CREB5: variants seen among roughly 807,000 people sequenced by gnomAD.
The protein encoded by CREB5 is cAMP responsive element binding protein 5.
Under a neutral mutation model 57.1 loss-of-function variants are expected in CREB5, and 19 were observed. That is an observed-to-expected ratio of 0.33 (90% CI 0.23 to 0.49). The LOEUF (loss-of-function observed/expected upper bound fraction) is 0.49, where lower values mean the gene tolerates loss of function less well. Ranked by LOEUF, CREB5 falls within the 20% of genes least tolerant of loss-of-function variation. The probability of loss-of-function intolerance (pLI) is 0.99; values close to 1 mark genes in which losing one functional copy is unlikely to be tolerated. For synonymous variants in CREB5, 238 were observed against 238.3 expected (o/e 1.00, Z 0.01); for missense variants, 579 against 671.6 (o/e 0.86, Z 1.52).
chr7:28,626,070 G>A (rs41292), intron 5 of CREB5, among the ~76,000 whole-genome samples: 3,211 of 152,128 alleles, frequency 0.021, 106 homozygotes, highest in African/African-American at 0.073. Flanking sequence ...TCATTTATGA[G>A]GTCATTCTAT....
chr7:28,444,940 C>T (rs1237299674), intron 1 of CREB5, among the ~76,000 whole-genome samples: 1 of 152,142 alleles, frequency 6.6e-6, no homozygotes, highest in East Asian at 1.9e-4. Context: ...TATTGTTTGG[C>T]TGTGTCCCCA....
intron 5 of CREB5, among the ~76,000 whole-genome samples, chr7:28,633,715 A>G (rs943750939): frequency 6.6e-6 from 1 of 152,168 alleles, no homozygotes; most frequent in African/African-American, 2.4e-5. Flanking sequence ...GGTTCATGGT[A>G]GAGTTGAGAA....
chr7:28,367,904 T>C, intron 1 of CREB5, among the ~76,000 whole-genome samples: 1 of 152,172 alleles, frequency 6.6e-6, no homozygotes, highest in East Asian at 1.9e-4. Context: ...TCACCTTCCC[T>C]GCTCCCTCCC....
chr7:28,553,654 C>A (rs1432510020), intron 4 of CREB5, among the ~76,000 whole-genome samples: 1 of 152,178 alleles, frequency 6.6e-6, no homozygotes, highest in Non-Finnish European at 1.5e-5. Context: ...TCAGTGTGCA[C>A]AGAGGAAATG....
intron 7 of CREB5, among the ~76,000 whole-genome samples, chr7:28,763,810 A>ATTTT (rs111457525): frequency 2.1e-3 from 308 of 149,126 alleles, no homozygotes; most frequent in East Asian, 3.9e-3. Context: ...TATTATTATT[A>ATTTT]TTTTTTTTTG....
At chr7:28,484,299 A>G (rs1039663233) in intron 1 of CREB5, among the ~76,000 whole-genome samples, 5 of 152,210 alleles carry the variant, frequency 3.3e-5, no homozygotes, top group African/African-American at 1.2e-4. Flanking sequence ...CTAGAAAAGA[A>G]CCATAATAAT....
chr7:28,558,634 C>A (rs1317682435), intron 4 of CREB5, among the ~76,000 whole-genome samples: 6 of 152,144 alleles, frequency 3.9e-5, no homozygotes, highest in Non-Finnish European at 8.8e-5. Flanking sequence ...ACTTAGCCAG[C>A]CCTACCCTCC....
At chr7:28,546,836 C>T (rs1794441891) in intron 4 of CREB5, among the ~76,000 whole-genome samples, 1 of 152,158 alleles carries the variant, frequency 6.6e-6, no homozygotes, top group Admixed American at 6.5e-5. Flanking sequence ...ATTGTCCAAG[C>T]CTCAGCTTCC....
At chr7:28,386,885 T>C (rs6954707) in intron 1 of CREB5, among the ~76,000 whole-genome samples, 14 of 152,224 alleles carry the variant, frequency 9.2e-5, no homozygotes, top group African/African-American at 2.9e-4. Flanking sequence ...GCTCCACCCA[T>C]GTCCCTGCAA....
intron 1 of CREB5, among the ~76,000 whole-genome samples, chr7:28,472,568 T>C (rs1790872942): frequency 6.6e-6 from 1 of 152,176 alleles, no homozygotes; most frequent in Non-Finnish European, 1.5e-5. Context: ...ACATTCTTAC[T>C]TTGCGGGGAA....
chr7:28,518,843 G>A (rs1289266452), intron 4 of CREB5, among the ~76,000 whole-genome samples: 8 of 152,192 alleles, frequency 5.3e-5, no homozygotes, highest in African/African-American at 1.7e-4. Flanking sequence ...AACTCAGGAC[G>A]AGGGCAAGAA....
At chr7:28,721,513 C>T (rs1219264422) in intron 6 of CREB5, among the ~76,000 whole-genome samples, 1 of 152,080 alleles carries the variant, frequency 6.6e-6, no homozygotes, top group Non-Finnish European at 1.5e-5. Context: ...GAGTTTCTGC[C>T]CTGGAAGACC....
chr7:28,482,063 A>T (rs1791354973), intron 1 of CREB5, among the ~76,000 whole-genome samples: 2 of 152,248 alleles, frequency 1.3e-5, no homozygotes, highest in African/African-American at 4.8e-5. Context: ...AGCTTCCAAT[A>T]GTTATGTTTT....
chr7:28,671,643 T>G (rs1161045387), intron 5 of CREB5, among the ~76,000 whole-genome samples: 1 of 152,200 alleles, frequency 6.6e-6, no homozygotes, highest in East Asian at 1.9e-4. Flanking sequence ...AGCCTTTCAG[T>G]TCTTATTTGT....
chr7:28,353,521 G>T (rs1297603912), intron 1 of CREB5, among the ~76,000 whole-genome samples: 3 of 152,110 alleles, frequency 2.0e-5, no homozygotes, highest in African/African-American at 7.2e-5. Flanking sequence ...AAGATAAAGT[G>T]TTTCAGGGAA....
At chr7:28,375,276 G>A (rs1304250520) in intron 1 of CREB5, among the ~76,000 whole-genome samples, 4 of 152,146 alleles carry the variant, frequency 2.6e-5, no homozygotes, top group Non-Finnish European at 5.9e-5. Context: ...GACAAACATT[G>A]CACGTTCTCA....
chr7:28,758,488 C>T (rs1362077411), intron 7 of CREB5, among the ~76,000 whole-genome samples: 1 of 152,052 alleles, frequency 6.6e-6, no homozygotes, highest in Non-Finnish European at 1.5e-5. Context: ...GAAAGTCAGT[C>T]AAATTAGTTG....
rs551605815 is a variant in CREB5 at position 28,399,249 on chromosome 7, T to C, written c.-24-95657T>C. Among the ~76,000 whole-genome samples, 4 of 147,516 alleles carry C rather than the reference T, an allele frequency of 2.7e-5. No individual in the cohort carries two copies. The South Asian group carries it at 6.5e-4, about 24-fold the overall frequency. Reference sequence around the variant, plus strand: ...AAGTTCTATATGGCAAAAGACAGCATAGACAAAGCTAAAAGTAAAAAGACA... The same window carrying C: ...AAGTTCTATATGGCAAAAGACAGCACAGACAAAGCTAAAAGTAAAAAGACA... On this transcript the variant is annotated intron_variant, in intron 1 of 9. Coordinates refer to the CREB5 transcript ENST00000396299.
At chr7:28,332,932 T>G (rs1231092221) in intron 1 of CREB5, among the ~76,000 whole-genome samples, 1 of 152,224 alleles carries the variant, frequency 6.6e-6, no homozygotes, top group African/African-American at 2.4e-5. Flanking sequence ...ACTGTATATA[T>G]CACCAATATA....
Sources: gnomAD v4.1 joint callset for allele counts (sites outside exome capture counted in the v4.1 genomes callset) on GRCh38, gnomAD v4.1.1 for gene constraint, MANE v1.5 for transcripts, NCBI Gene and HGNC (gene_info 2026-07-23, HGNC 2026-07-21) for gene names.